The following GRHL3 variants were observed in gnomAD, a reference collection of about 807,000 sequenced individuals.
The protein encoded by GRHL3 is grainyhead-like protein 3 homolog.
In GRHL3, 20 loss-of-function variants were observed where a neutral mutation model predicts 70.3. That is an observed-to-expected ratio of 0.28 (90% confidence interval 0.20 to 0.41). The LOEUF (loss-of-function observed/expected upper bound fraction) is 0.41. Among genes scored for constraint, GRHL3 ranks in the 10% least tolerant of loss-of-function variants. The pLI, the probability that GRHL3 is intolerant of heterozygous loss-of-function variation, is 1.00. For synonymous variants in GRHL3, 299 were observed against 299.9 expected (o/e 1.00, Z 0.03); for missense variants, 637 against 762.3 (o/e 0.84, Z 1.94).
At chr1:24,345,831 G>A (rs190088335) in intron 12 of GRHL3, among the ~76,000 whole-genome samples, 310 of 152,348 alleles carry the variant, frequency 2.0e-3, no homozygotes, top group Non-Finnish European at 3.5e-3. Context: ...GAGGAGGGCG[G>A]TGTGGATATG....
Position 24,336,640 on chromosome 1 carries a change from C to T in GRHL3, c.425C>T (p.Pro142Leu). The T allele has an allele frequency of 3.7e-6, 6 of 1,614,114 alleles. No individual in the cohort carries two copies. The highest frequency in any genetic ancestry group is 5.1e-6 in the Non-Finnish European group (6 of 1,179,990). ...LMSLEGALPT[P>L]GKAAPLPAGP... ...AGCTTGGAGGGGGCCTTGCCCACCC[C>T]TGGCAAGGCAGCTCCCCTCCCTGCA... The change falls in exon 4 of 16, where the codon CCT (proline) becomes CTT (leucine). Residue 142 changes from proline (P) to leucine (L), a missense_variant. Physicochemically the swap from Pro to Leu is moderately conservative, Grantham distance 98. This residue lies in a region of GRHL3 where 250 missense variants were observed against 248.6 expected (regional missense o/e 1.01). Coordinates refer to ENST00000361548, the MANE Select transcript of GRHL3 (RefSeq NM_198173.3).
At position 24,331,570 on chromosome 1, in the gene GRHL3, T is replaced by A. The variant is rs780971661; in HGVS notation, c.162T>A (p.Asp54Glu). 17 of 1,614,080 alleles carry A rather than the reference T, an allele frequency of 1.1e-5. No homozygotes were observed. The highest frequency in any genetic ancestry group is 1.7e-4 in the Middle Eastern group (1 of 6,060). The change falls in exon 2 of 16, where the codon GAT becomes GAA. Residue 54 changes from aspartate (D) to glutamate (E), a missense_variant. By Grantham distance (45) the Asp-to-Glu change is conservative. Coordinates refer to ENST00000361548, the MANE Select transcript of GRHL3 (RefSeq NM_198173.3). ...TKAMMRVNGD[D>E]DSVAALSFLY... Reference sequence around the variant, plus strand: ...CCATGATGAGAGTCAATGGAGATGATGACAGTGTTGCGGCCTTGAGCTTCC... The same window carrying A: ...CCATGATGAGAGTCAATGGAGATGAAGACAGTGTTGCGGCCTTGAGCTTCC...
chr1:24,326,905 A>G (rs138659088), intron 1 of GRHL3, among the ~76,000 whole-genome samples: 6 of 152,320 alleles, frequency 3.9e-5, no homozygotes, highest in East Asian at 1.9e-4. Flanking sequence ...CACATCATGT[A>G]TGTTGGGAGG....
chr1:24,363,959 T>G (rs1386367410), intron 15 of GRHL3, among the ~76,000 whole-genome samples: 1 of 152,110 alleles, frequency 6.6e-6, no homozygotes, highest in East Asian at 1.9e-4. Context: ...CTTCTGATAC[T>G]CCCCACTTAC....
intron 15 of GRHL3, 82 bp downstream of exon 15, chr1:24,350,204 G>A: frequency 1.7e-6 from 2 of 1,196,644 alleles, no homozygotes; most frequent in Non-Finnish European, 2.4e-6. Flanking sequence ...AGGGGCTGAG[G>A]GGATGTGGAG....
intron 1 of GRHL3, among the ~76,000 whole-genome samples, chr1:24,326,920 A>G (rs1296193375): frequency 6.6e-6 from 1 of 152,200 alleles, no homozygotes; most frequent in African/African-American, 2.4e-5. Flanking sequence ...GGGAGGCTCT[A>G]TGAGATAATG....
chr1:24,333,275 G>C (rs1639676824), intron 2 of GRHL3, among the ~76,000 whole-genome samples: 1 of 152,194 alleles, frequency 6.6e-6, no homozygotes, highest in Admixed American at 6.5e-5. Context: ...GGAGCACCAA[G>C]TCGGGAATTT....
rs1184687049 is a variant in GRHL3, at chr1:24,321,013, T to C, written c.17+1445T>C. 2.0e-5 allele frequency among the ~76,000 whole-genome samples: 3 copies of C among 152,246 alleles called. No homozygotes were observed. Among genetic ancestry groups the C allele is most frequent in the Admixed American group, 2.0e-4 (3 of 15,282 alleles). On this transcript the variant is annotated intron_variant, in intron 1 of 15. Transcript: ENST00000361548. This position sits in a 1 kb window ranked among gnomAD's most constrained non-coding sequence, Gnocchi z 4.0. The stretch of plus-strand genomic sequence containing the variant: ...CACCAGTAACACCATTGTCATTTCA[T>C]GTAGAACTAACCAATCAATGAGCAT...
chr1:24,339,337 G>A (rs867610991), intron 7 of GRHL3, among the ~76,000 whole-genome samples: 6 of 150,462 alleles, frequency 4.0e-5, no homozygotes, highest in African/African-American at 1.5e-4. Flanking sequence ...GTGCAGTGGC[G>A]CGATCTCGGC....
At chr1:24,351,685 G>A (rs1192427937) in intron 15 of GRHL3, among the ~76,000 whole-genome samples, 2 of 151,976 alleles carry the variant, frequency 1.3e-5, no homozygotes, top group Non-Finnish European at 2.9e-5. Flanking sequence ...AGGGTGGGGT[G>A]TGTGTACAAG....
In GRHL3 at chr1:24,331,591, C is replaced by T. The variant is rs745525353; in HGVS notation, c.183C>T (p.Ser61=). 1.2e-6 allele frequency: 2 copies of T among 1,613,722 alleles called. No homozygotes were observed. The highest frequency in any genetic ancestry group is 1.7e-5 in the Admixed American group (1 of 59,982). The change falls in exon 2 of 16, where the codon AGC becomes AGT. Residue 61 remains serine, a synonymous_variant. Coordinates refer to ENST00000361548, the MANE Select transcript of GRHL3 (RefSeq NM_198173.3). Reference sequence around the variant, plus strand: ...ATGATGACAGTGTTGCGGCCTTGAGCTTCCTCTATGATTACTACATGGTAC... The same window carrying T: ...ATGATGACAGTGTTGCGGCCTTGAGTTTCCTCTATGATTACTACATGGTAC... ...NGDDDSVAAL[S]FLYDYYMGPK... is the part of the protein sequence containing the mutation.
At position 24,321,138 on chromosome 1, in the gene GRHL3, T is replaced by C. The variant is rs193048239; in HGVS notation, c.17+1570T>C. 9.8e-4 allele frequency among the ~76,000 whole-genome samples: 149 copies of C among 152,378 alleles called. 2 individuals are homozygous for C. Among genetic ancestry groups the C allele is most frequent in the African/African-American group, 3.5e-3 (145 of 41,594 alleles). ...ATTTGCTGGCTAAAACTGCGGAGGC[T>C]ACAGACAGAATCTATTCATTACTGC... On this transcript the variant is annotated intron_variant, in intron 1 of 15. Transcript: ENST00000361548. This position sits in a 1 kb window ranked among gnomAD's most constrained non-coding sequence, Gnocchi z 4.0.
chr1:24,332,823 A>T (rs1639660136), intron 2 of GRHL3, among the ~76,000 whole-genome samples: 1 of 152,232 alleles, frequency 6.6e-6, no homozygotes, highest in African/African-American at 2.4e-5. Flanking sequence ...AGTGGGTTCC[A>T]GATAGGAGAA....
intron 1 of GRHL3, among the ~76,000 whole-genome samples, chr1:24,325,460 G>A (rs1317824604): frequency 3.3e-5 from 5 of 152,208 alleles, no homozygotes; most frequent in African/African-American, 9.7e-5. Context: ...TCTAACAGAA[G>A]GAAATGATAC....
intron 12 of GRHL3, 53 bp from the exon 13 acceptor site, chr1:24,346,500 G>C: frequency 7.7e-7 from 1 of 1,302,920 alleles, no homozygotes; most frequent in African/African-American, 1.4e-5. Flanking sequence ...GGGTCCTTGA[G>C]CCTCTAGGGG....
chr1:24,334,582 G>A lies in GRHL3; in HGVS notation c.205-63G>A, dbSNP rs1194336592. On this transcript the variant is annotated intron_variant, in intron 2 of 15. Transcript: ENST00000361548. This position sits in a 1 kb window ranked among gnomAD's most constrained non-coding sequence, Gnocchi z 4.3. Reference sequence around the variant, plus strand: ...CCTGCCTGGCCAAAGCTGCAGGAGGGGATTGAGGCTCCTACCAGCAGAAGC... The same window carrying A: ...CCTGCCTGGCCAAAGCTGCAGGAGGAGATTGAGGCTCCTACCAGCAGAAGC... The A allele has an allele frequency of 7.3e-7, 1 of 1,364,860 alleles. No homozygotes were observed. Among genetic ancestry groups the A allele is most frequent in the Non-Finnish European group, 1.0e-6 (1 of 959,826 alleles). 84.5% of individuals were successfully genotyped at this position (1,364,860 alleles called of 1,614,324 possible).
In GRHL3 at chr1:24,337,065, T is replaced by C. The variant is rs1178621742; in HGVS notation, c.613-13T>C. ...GTGAGCATTTATTCTCTTGGGGCTGTGTTTCTCTGCAGTCGATGCTCTTCC... is the reference window on the plus strand; with the variant it reads ...GTGAGCATTTATTCTCTTGGGGCTGCGTTTCTCTGCAGTCGATGCTCTTCC... On this transcript the variant is annotated splice_polypyrimidine_tract_variant and intron_variant, in intron 4 of 15. Coordinates refer to ENST00000361548, the MANE Select transcript of GRHL3 (RefSeq NM_198173.3). 6.2e-7 allele frequency: 1 copy of C among 1,613,230 alleles called. No homozygotes were observed. Among genetic ancestry groups the C allele is most frequent in the Non-Finnish European group, 8.5e-7 (1 of 1,179,222 alleles).
At chr1:24,346,245 C>T (rs1318867365) in intron 12 of GRHL3, among the ~76,000 whole-genome samples, 1 of 152,132 alleles carries the variant, frequency 6.6e-6, no homozygotes, top group Non-Finnish European at 1.5e-5. Context: ...TGAGCATGGT[C>T]TCCTGTGGCC....
At chr1:24,341,898 A>G (rs1470131111) in intron 8 of GRHL3, among the ~76,000 whole-genome samples, 1 of 152,194 alleles carries the variant, frequency 6.6e-6, no homozygotes, top group Non-Finnish European at 1.5e-5. Context: ...GCTGCACCAC[A>G]CACTGCCCGT....
Sources: gnomAD v4.1 joint callset for allele counts (sites outside exome capture counted in the v4.1 genomes callset) on GRCh38, gnomAD v4.1.1 for gene constraint, gnomAD v4.1.1 regional missense constraint, Gnocchi (gnomAD v3.1) non-coding constraint, MANE v1.5 for transcripts, NCBI Gene and HGNC (gene_info 2026-07-23, HGNC 2026-07-21) for gene names.